ULK4: variants seen among roughly 807,000 people sequenced by gnomAD.
ULK4 encodes the protein unc-51 like kinase 4, also known as inactive serine/threonine-protein kinase ULK4.
Under a neutral mutation model 160.6 loss-of-function variants are expected in ULK4, and 133 were observed. That is an observed-to-expected ratio of 0.83 (90% CI 0.72 to 0.96). ULK4 has a LOEUF of 0.96. ULK4 is among the 40% of genes least tolerant of loss of function. The probability of loss-of-function intolerance (pLI) is 0.00; values close to 1 mark genes in which losing one functional copy is unlikely to be tolerated. For synonymous variants in ULK4, 534 were observed against 539.8 expected (o/e 0.99, Z 0.15); for missense variants, 1,580 against 1,499.5 (o/e 1.05, Z -0.89).
intron 30 of ULK4, among the ~76,000 whole-genome samples, chr3:41,616,584 T>G (rs1369726983): frequency 6.6e-6 from 1 of 152,198 alleles, no homozygotes; most frequent in African/African-American, 2.4e-5. Flanking sequence ...TGTGAGGAAC[T>G]GTGCTACCCG....
At chr3:41,787,725 T>C (rs2040037593) in intron 21 of ULK4, among the ~76,000 whole-genome samples, 1 of 152,240 alleles carries the variant, frequency 6.6e-6, no homozygotes, top group Admixed American at 6.5e-5. Flanking sequence ...TTCTATGTTA[T>C]GTGTTATCTA....
chr3:41,810,624 G>A (rs149195080), intron 19 of ULK4, among the ~76,000 whole-genome samples: 135 of 152,112 alleles, frequency 8.9e-4, no homozygotes, highest in East Asian at 2.9e-3. Flanking sequence ...AGACAAGCCC[G>A]GGCAACTTAA....
chr3:41,802,400 A>C (rs188573194), intron 19 of ULK4, among the ~76,000 whole-genome samples: 22 of 152,230 alleles, frequency 1.4e-4, no homozygotes, highest in Admixed American at 1.2e-3. Context: ...CAGCTCAAGC[A>C]ATCTTCTCAC....
intron 32 of ULK4, among the ~76,000 whole-genome samples, chr3:41,496,309 CCTT>C (rs951426538): frequency 3.9e-5 from 6 of 152,044 alleles, no homozygotes; most frequent in Non-Finnish European, 8.8e-5. Flanking sequence ...CCAAACTAGT[CCTT>C]CTATCATAAA....
Position 41,765,032 on chromosome 3 carries a change from T to C in ULK4, c.2194-10544A>G, listed in dbSNP as rs547264657. ...CAGGGATCTAGAACTAGAAATACCA[T>C]TTGACCCAGCCATCTCATTACTGGG... is the stretch of plus-strand genomic sequence containing the variant. On this transcript the variant is annotated intron_variant, in intron 21 of 36. Coordinates refer to ENST00000301831, the MANE Select transcript of ULK4 (RefSeq NM_017886.4). Among the ~76,000 whole-genome samples, 287 of 152,268 alleles carry C rather than the reference T, an allele frequency of 1.9e-3. 1 individual carries two copies. Among genetic ancestry groups the C allele is most frequent in the Non-Finnish European group, 3.6e-3 (246 of 68,006 alleles).
intron 18 of ULK4, among the ~76,000 whole-genome samples, chr3:41,827,636 C>A (rs1245391230): frequency 6.6e-6 from 1 of 152,130 alleles, no homozygotes; most frequent in East Asian, 1.9e-4. Flanking sequence ...ATAACAGGAT[C>A]TGAAATTGAG....
chr3:41,420,475 CTTTTTTTTTTTTTTTT>C (rs1165381982), intron 34 of ULK4, among the ~76,000 whole-genome samples: 1 of 41,178 alleles, frequency 2.4e-5, no homozygotes, highest in African/African-American at 1.0e-4. Flanking sequence ...CCAGTTCTTT[CTTTTTTTTTTTTTTTT>C]TTTTTTTTTG....
intron 32 of ULK4, among the ~76,000 whole-genome samples, chr3:41,551,018 T>G (rs1486430674): frequency 6.6e-6 from 1 of 151,134 alleles, no homozygotes; most frequent in African/African-American, 2.4e-5. Flanking sequence ...ACAAATTTGC[T>G]CCTGAATGAC....
chr3:41,375,281 A>G (rs1395952484), intron 35 of ULK4, among the ~76,000 whole-genome samples: 6 of 152,148 alleles, frequency 3.9e-5, no homozygotes, highest in Non-Finnish European at 8.8e-5. Flanking sequence ...AGGAAAAACT[A>G]CTTTAAAATT....
chr3:41,961,357 G>A (rs1387681356), intron 1 of ULK4, among the ~76,000 whole-genome samples: 3 of 152,146 alleles, frequency 2.0e-5, no homozygotes, highest in Non-Finnish European at 4.4e-5. Context: ...CACTACGGCG[G>A]TAGGGCCTGG....
chr3:41,386,797 T>C (rs2081822689), intron 35 of ULK4, among the ~76,000 whole-genome samples: 1 of 152,150 alleles, frequency 6.6e-6, no homozygotes, highest in Non-Finnish European at 1.5e-5. Context: ...AGAGAGCTGA[T>C]GTGTGGGGAA....
intron 34 of ULK4, among the ~76,000 whole-genome samples, chr3:41,453,470 C>A (rs1183223678): frequency 2.6e-5 from 4 of 152,224 alleles, no homozygotes; most frequent in African/African-American, 9.6e-5. Context: ...AGCCACCACA[C>A]CTGGCCTGTA....
intron 31 of ULK4, among the ~76,000 whole-genome samples, chr3:41,594,235 G>C (rs567993996): frequency 6.6e-6 from 1 of 152,222 alleles, no homozygotes; most frequent in Admixed American, 6.5e-5. Flanking sequence ...ATACACACAA[G>C]AAACAGGAAG....
At chr3:41,879,072 A>C (rs908917346) in intron 17 of ULK4, among the ~76,000 whole-genome samples, 8 of 152,204 alleles carry the variant, frequency 5.3e-5, no homozygotes, top group African/African-American at 1.9e-4. Context: ...GTAACAAATA[A>C]ATGACACTAA....
At chr3:41,615,028 C>T (rs2032893220) in intron 31 of ULK4, among the ~76,000 whole-genome samples, 1 of 152,148 alleles carries the variant, frequency 6.6e-6, no homozygotes, top group Non-Finnish European at 1.5e-5. Flanking sequence ...CAAGCACCAA[C>T]TCAATTTTCA....
chr3:41,705,001 A>G (rs2036820823), intron 27 of ULK4, 56 bp downstream of exon 27: 1 of 1,417,908 alleles, frequency 7.1e-7, no homozygotes, highest in Non-Finnish European at 9.7e-7. Context: ...CTCTTTATAT[A>G]AGGAATTACC....
chr3:41,695,684 C>G (rs901029900), intron 27 of ULK4, among the ~76,000 whole-genome samples: 14 of 152,214 alleles, frequency 9.2e-5, no homozygotes, highest in African/African-American at 3.4e-4. Flanking sequence ...GTGTGGGCGG[C>G]AAGCCATCCA....
intron 34 of ULK4, among the ~76,000 whole-genome samples, chr3:41,446,052 A>C (rs545465635): frequency 2.6e-5 from 4 of 152,338 alleles, no homozygotes; most frequent in Admixed American, 2.6e-4. Flanking sequence ...ACCCCATCAA[A>C]AAGTGGGAGA....
At chr3:41,558,854 T>C (rs1202728206) in intron 32 of ULK4, among the ~76,000 whole-genome samples, 1 of 151,940 alleles carries the variant, frequency 6.6e-6, no homozygotes, top group Non-Finnish European at 1.5e-5. Context: ...CTCCACTTGA[T>C]AGCTTCTATT....
Sources: allele counts gnomAD v4.1 joint callset (sites outside exome capture counted in the v4.1 genomes callset), GRCh38; gene constraint gnomAD v4.1.1; transcripts MANE v1.5; gene names NCBI Gene and HGNC (gene_info 2026-07-23, HGNC 2026-07-21).